CSMD1: variants seen among roughly 807,000 people sequenced by gnomAD.
CSMD1 encodes the protein CUB and Sushi multiple domains 1.
A neutral mutation model predicts 417.5 loss-of-function variants in CSMD1; 213 were observed. That is an observed-to-expected ratio of 0.51 (90% CI 0.46 to 0.57). The LOEUF (loss-of-function observed/expected upper bound fraction) is 0.57, where lower values mean the gene tolerates loss of function less well. Ranked by LOEUF, CSMD1 falls within the 20% of genes least tolerant of loss-of-function variation. CSMD1 has a pLI of 0.00. For synonymous variants in CSMD1, 2,862 were observed against 1,736.8 expected (o/e 1.65, Z -16.11); for missense variants, 6,923 against 4,529.7 (o/e 1.53, Z -15.17).
At chr8:4,688,539 A>G (rs1251318584) in intron 1 of CSMD1, among the ~76,000 whole-genome samples, 2 of 152,130 alleles carry the variant, frequency 1.3e-5, no homozygotes, top group African/African-American at 4.8e-5. Context: ...ATTCTCCAAA[A>G]TGGCTCTTAA....
At chr8:3,261,919 C>A (rs1801093294) in intron 26 of CSMD1, among the ~76,000 whole-genome samples, 1 of 151,784 alleles carries the variant, frequency 6.6e-6, no homozygotes, top group Non-Finnish European at 1.5e-5. Context: ...GGGGAAATGT[C>A]CTACTTATTG....
At position 3,575,034 on chromosome 8, in the gene CSMD1, T is replaced by G. The variant is rs1383642476; in HGVS notation, c.1255A>C (p.Ser419Arg). 5 of 1,613,530 alleles carry G rather than the reference T, an allele frequency of 3.1e-6. No homozygotes were observed. Among genetic ancestry groups the G allele is most frequent in the Non-Finnish European group, 4.2e-6 (5 of 1,179,744 alleles). The change falls in exon 10 of 70, where the codon AGC becomes CGC. Residue 419 changes from serine to arginine, a missense_variant. Physicochemically the swap from Ser to Arg is moderately radical, Grantham distance 110 (BLOSUM62 -1). Transcript: ENST00000635120. The part of the protein sequence containing the change: ...RTCGSNLRGP[S>R]GVITSPNYPV... ...TAATTAGGGGAGGTAATGACGCCGC[T>G]GGGCCCACGCAGATTGGATCCACAT...
intron 12 of CSMD1, among the ~76,000 whole-genome samples, chr8:3,442,544 A>T (rs185482770): frequency 4.6e-5 from 7 of 152,334 alleles, no homozygotes; most frequent in Admixed American, 3.9e-4. Flanking sequence ...TTACAGTCAC[A>T]TGCTGTACAG....
rs1308798603 is a variant in CSMD1 at position 4,009,344 on chromosome 8, G to C, written c.611-11234C>G. Reference sequence around the variant, plus strand: ...AAAACTTGCTGGAAATCTATCTTACGGACATAATTTAAAATACAGAATAGA... The same window carrying C: ...AAAACTTGCTGGAAATCTATCTTACCGACATAATTTAAAATACAGAATAGA... On this transcript the variant is annotated intron_variant, in intron 4 of 69. Transcript: ENST00000635120. Among the ~76,000 whole-genome samples the C allele has an allele frequency of 2.0e-5, 3 of 152,018 alleles. No individual in the cohort carries two copies. The South Asian group carries it at 6.2e-4, about 31-fold the overall frequency.
intron 5 of CSMD1, among the ~76,000 whole-genome samples, chr8:3,802,166 C>G (rs370943930): frequency 2.0e-5 from 3 of 152,092 alleles, no homozygotes; most frequent in African/African-American, 7.2e-5. Context: ...AAAATAATTA[C>G]TATGACAATA....
chr8:4,194,822 A>G (rs980223541), intron 3 of CSMD1, among the ~76,000 whole-genome samples: 2 of 148,048 alleles, frequency 1.4e-5, no homozygotes, highest in Non-Finnish European at 3.0e-5. Flanking sequence ...TTCTGCAAAG[A>G]AAAAAAAAAG....
At chr8:4,726,929 C>T (rs1438892083) in intron 1 of CSMD1, among the ~76,000 whole-genome samples, 2 of 152,038 alleles carry the variant, frequency 1.3e-5, no homozygotes, top group East Asian at 1.9e-4. Flanking sequence ...TGAATTTCTT[C>T]TGGGGATTGT....
chr8:2,986,398 T>C (rs1466351561), intron 54 of CSMD1, among the ~76,000 whole-genome samples: 1 of 152,174 alleles, frequency 6.6e-6, no homozygotes, highest in Non-Finnish European at 1.5e-5. Context: ...GACTAGGTGG[T>C]GTGGGTGCAA....
intron 5 of CSMD1, among the ~76,000 whole-genome samples, chr8:3,945,178 C>CAAAAAAAAAAA (rs138900503): frequency 1.3e-4 from 16 of 118,932 alleles, no homozygotes; most frequent in Non-Finnish European, 1.6e-4. Context: ...ATGAGAAAGA[C>CAAAAAAAAAAA]AAAAAAAAAA....
intron 5 of CSMD1, among the ~76,000 whole-genome samples, chr8:3,863,699 G>T (rs1031326694): frequency 2.0e-5 from 3 of 151,946 alleles, no homozygotes; most frequent in Non-Finnish European, 4.4e-5. Flanking sequence ...GTGAACAAAA[G>T]AATAACATAC....
intron 1 of CSMD1, among the ~76,000 whole-genome samples, chr8:4,638,886 G>A (rs531890903): frequency 2.0e-5 from 3 of 152,176 alleles, no homozygotes; most frequent in South Asian, 4.1e-4. Flanking sequence ...AAGATTTTGT[G>A]TTATTGATTC....
At chr8:4,290,365 G>A (rs750405711) in intron 3 of CSMD1, among the ~76,000 whole-genome samples, 3 of 152,192 alleles carry the variant, frequency 2.0e-5, no homozygotes, top group African/African-American at 7.2e-5. Flanking sequence ...CTGAATGGAG[G>A]GAGAGAAGCC....
At chr8:4,132,088 T>C (rs1420538816) in intron 3 of CSMD1, among the ~76,000 whole-genome samples, 1 of 151,912 alleles carries the variant, frequency 6.6e-6, no homozygotes, top group Non-Finnish European at 1.5e-5. Flanking sequence ...CAAAAACAGG[T>C]AAAGAATCAC....
chr8:3,826,620 T>G (rs1802069555), intron 5 of CSMD1, among the ~76,000 whole-genome samples: 1 of 152,128 alleles, frequency 6.6e-6, no homozygotes, highest in South Asian at 2.1e-4. Flanking sequence ...CCCGTTCTGC[T>G]GAGTATTACA....
chr8:4,287,356 G>T (rs182457667), intron 3 of CSMD1, among the ~76,000 whole-genome samples: 13 of 152,196 alleles, frequency 8.5e-5, no homozygotes, highest in Admixed American at 7.9e-4. Context: ...TTTTAAGAAA[G>T]CACACAATCT....
chr8:3,241,345 G>T (rs1278400178), intron 26 of CSMD1, among the ~76,000 whole-genome samples: 3 of 151,916 alleles, frequency 2.0e-5, no homozygotes, highest in African/African-American at 4.8e-5. Flanking sequence ...TCCTTGAAAA[G>T]AAGGTAATGT....
intron 7 of CSMD1, among the ~76,000 whole-genome samples, chr8:3,646,134 T>C (rs924536813): frequency 6.6e-6 from 1 of 151,826 alleles, no homozygotes; most frequent in Admixed American, 6.6e-5. Context: ...AGAATGCTTA[T>C]TAACACTGAA....
At chr8:3,637,088 T>C (rs1231167226) in intron 7 of CSMD1, among the ~76,000 whole-genome samples, 1 of 152,120 alleles carries the variant, frequency 6.6e-6, no homozygotes, top group African/African-American at 2.4e-5. Context: ...CTTCCCAGAC[T>C]CCAAAACTAT....
At chr8:3,460,100 T>C (rs533505718) in intron 12 of CSMD1, among the ~76,000 whole-genome samples, 1 of 152,172 alleles carries the variant, frequency 6.6e-6, no homozygotes, top group Non-Finnish European at 1.5e-5. Flanking sequence ...GAAAGGCAAT[T>C]AAACAATTGT....
Sources: gnomAD v4.1 joint callset for allele counts (sites outside exome capture counted in the v4.1 genomes callset) on GRCh38, gnomAD v4.1.1 for gene constraint, MANE v1.5 for transcripts, NCBI Gene and HGNC (gene_info 2026-07-23, HGNC 2026-07-21) for gene names.